The following WDFY2 variants were observed in gnomAD, a reference collection of about 807,000 sequenced individuals.
WDFY2 encodes WD repeat and FYVE domain-containing protein 2.
In WDFY2, 36 loss-of-function variants were observed where a neutral mutation model predicts 56.4. The observed-to-expected ratio is 0.64, with a 90% CI of 0.49 to 0.84. The LOEUF (loss-of-function observed/expected upper bound fraction) is 0.84. Ranked by LOEUF, WDFY2 falls within the 40% of genes least tolerant of loss-of-function variation. The pLI, the probability that WDFY2 is intolerant of heterozygous loss-of-function variation, is 0.00. For synonymous variants in WDFY2, 176 were observed against 183.7 expected (o/e 0.96, Z 0.34); for missense variants, 444 against 512.2 (o/e 0.87, Z 1.29).
chr13:51,653,239 G>A (rs889701229), intron 1 of WDFY2, among the ~76,000 whole-genome samples: 15 of 152,092 alleles, frequency 9.9e-5, no homozygotes, highest in South Asian at 6.2e-4. Context: ...TTCTCGTGCC[G>A]TGGTTTTCAG....
chr13:51,644,158 A>C (rs1029838142), intron 1 of WDFY2, among the ~76,000 whole-genome samples: 2 of 152,230 alleles, frequency 1.3e-5, no homozygotes, highest in African/African-American at 4.8e-5. Context: ...CAAGGACAGG[A>C]AGCAGTGCTT....
intron 4 of WDFY2, among the ~76,000 whole-genome samples, chr13:51,706,725 G>A (rs1952089837): frequency 6.6e-6 from 1 of 152,178 alleles, no homozygotes; most frequent in Admixed American, 6.5e-5. Context: ...TTACTTGCTA[G>A]AAATCAATGC....
chr13:51,653,294 T>C (rs1014168563), intron 1 of WDFY2, among the ~76,000 whole-genome samples: 1 of 152,214 alleles, frequency 6.6e-6, no homozygotes, highest in African/African-American at 2.4e-5. Flanking sequence ...GTTATTCTAG[T>C]TAGCCATTCG....
At chr13:51,746,983 G>T (rs979050604) in intron 7 of WDFY2, among the ~76,000 whole-genome samples, 1 of 152,204 alleles carries the variant, frequency 6.6e-6, no homozygotes, top group Non-Finnish European at 1.5e-5. Context: ...GACTCAATCC[G>T]CTGGCACAGC....
chr13:51,734,290 T>G (rs190832218), intron 6 of WDFY2, among the ~76,000 whole-genome samples: 3 of 152,354 alleles, frequency 2.0e-5, no homozygotes, highest in Non-Finnish European at 2.9e-5. Context: ...AAAATCTTTA[T>G]ACTCTCTGAT....
At chr13:51,626,010 G>A (rs547077286) in intron 1 of WDFY2, among the ~76,000 whole-genome samples, 1 of 152,218 alleles carries the variant, frequency 6.6e-6, no homozygotes, top group Non-Finnish European at 1.5e-5. Flanking sequence ...GAGCACCCTG[G>A]CAGCCAAGCA....
chr13:51,669,375 A>G (rs1955768456), intron 2 of WDFY2, among the ~76,000 whole-genome samples: 1 of 152,214 alleles, frequency 6.6e-6, no homozygotes, highest in Admixed American at 6.5e-5. Flanking sequence ...AAGGAAATAA[A>G]GGGTCTAATT....
intron 4 of WDFY2, among the ~76,000 whole-genome samples, chr13:51,705,698 G>A (rs974351465): frequency 6.6e-6 from 1 of 151,820 alleles, no homozygotes; most frequent in Non-Finnish European, 1.5e-5. Context: ...GGTATCTGTC[G>A]CCTCAAGTAT....
chr13:51,586,277 G>T, intron 1 of WDFY2: 3 of 383,676 alleles, frequency 7.8e-6, no homozygotes, highest in Non-Finnish European at 9.2e-6. Context: ...GAATATATTG[G>T]TAGATGTCAC....
intron 7 of WDFY2, among the ~76,000 whole-genome samples, chr13:51,741,956 T>C (rs1952985214): frequency 6.6e-6 from 1 of 152,210 alleles, no homozygotes; most frequent in Admixed American, 6.5e-5. Context: ...GTGCTGATGC[T>C]TAGGCCTCAA....
chr13:51,696,742 G>A (rs1039044178), intron 3 of WDFY2, among the ~76,000 whole-genome samples: 1 of 152,124 alleles, frequency 6.6e-6, no homozygotes, highest in African/African-American at 2.4e-5. Context: ...AGAAAAACTA[G>A]AAGTCAGTTT....
At chr13:51,698,250 T>C (rs988591938) in intron 3 of WDFY2, among the ~76,000 whole-genome samples, 2 of 152,230 alleles carry the variant, frequency 1.3e-5, no homozygotes, top group Admixed American at 1.3e-4. Flanking sequence ...CTTAAATGTA[T>C]ATGTAAAAAT....
chr13:51,614,838 T>C (rs1566314570), intron 1 of WDFY2, among the ~76,000 whole-genome samples: 1 of 152,196 alleles, frequency 6.6e-6, no homozygotes, highest in African/African-American at 2.4e-5. Context: ...GTGTCTGTTG[T>C]CTCTAAACTA....
At chr13:51,713,525 C>T (rs1247762857) in intron 4 of WDFY2, among the ~76,000 whole-genome samples, 4 of 152,148 alleles carry the variant, frequency 2.6e-5, no homozygotes, top group Non-Finnish European at 5.9e-5. Context: ...GTAGGAAGTT[C>T]TGACACATGC....
At chr13:51,698,206 G>T (rs564455803) in intron 3 of WDFY2, among the ~76,000 whole-genome samples, 1 of 152,272 alleles carries the variant, frequency 6.6e-6, no homozygotes, top group South Asian at 2.1e-4. Context: ...AATGAAGATA[G>T]CACCAAAATG....
chr13:51,667,375 T>G (rs1033780884), intron 2 of WDFY2, among the ~76,000 whole-genome samples: 1 of 152,214 alleles, frequency 6.6e-6, no homozygotes, highest in African/African-American at 2.4e-5. Context: ...ATTTTGTAAG[T>G]AAGTTGAAAG....
chr13:51,640,084 A>G (rs911753071), intron 1 of WDFY2, among the ~76,000 whole-genome samples: 1 of 152,220 alleles, frequency 6.6e-6, no homozygotes, highest in Non-Finnish European at 1.5e-5. Context: ...TTTGTTTGTT[A>G]TCTAGAGATA....
intron 3 of WDFY2, among the ~76,000 whole-genome samples, chr13:51,693,758 G>C (rs1186187588): frequency 6.6e-6 from 1 of 151,936 alleles, no homozygotes; most frequent in East Asian, 1.9e-4. Flanking sequence ...CTGTCTCGTT[G>C]ATCTGTCTAA....
At chr13:51,650,844 A>C (rs1158438495) in intron 1 of WDFY2, among the ~76,000 whole-genome samples, 1 of 152,224 alleles carries the variant, frequency 6.6e-6, no homozygotes, top group African/African-American at 2.4e-5. Context: ...TTTTGGATCG[A>C]CATTCATCAG....
Sources: gnomAD v4.1 joint callset for allele counts (sites outside exome capture counted in the v4.1 genomes callset) on GRCh38, gnomAD v4.1.1 for gene constraint, MANE v1.5 for transcripts, NCBI Gene and HGNC (gene_info 2026-07-23, HGNC 2026-07-21) for gene names.